PEX2: variants seen among roughly 807,000 people sequenced by gnomAD.
PEX2 encodes the protein peroxisome biogenesis factor 2.
A neutral mutation model predicts 25.2 loss-of-function variants in PEX2; 19 were observed. The observed-to-expected ratio is 0.75, with a 90% CI of 0.53 to 1.10. The LOEUF (loss-of-function observed/expected upper bound fraction) is 1.10, where lower values mean the gene tolerates loss of function less well. PEX2 is among the 50% of genes least tolerant of loss of function. PEX2 has a pLI of 0.00. For synonymous variants in PEX2, 141 were observed against 127.7 expected (o/e 1.10, Z -0.70); for missense variants, 347 against 350.6 (o/e 0.99, Z 0.08).
rs1200344504 is a variant in PEX2, at chr8:76,983,335, T to G, written c.844A>C (p.Lys282Gln). 1 of 1,614,040 alleles carries G rather than the reference T, an allele frequency of 6.2e-7. No individual in the cohort carries two copies. The change falls in exon 4 of 4, where the codon AAG becomes CAG. Residue 282 changes from lysine to glutamine, a missense_variant. Lys to Gln is a moderately conservative substitution (Grantham distance 53, BLOSUM62 1). Transcript: ENST00000357039. ...FLFDVYFTCP[K>Q]CGTEVHSLQP... is the part of the protein sequence containing the mutation. ...AGACTGTGTACTTCTGTGCCACACT[T>G]AGGACAAGTAAAGTACACGTCAAAT... is the stretch of plus-strand genomic sequence containing the variant.
At chr8:76,990,994 T>G (rs1807154355) in intron 1 of PEX2, among the ~76,000 whole-genome samples, 1 of 152,148 alleles carries the variant, frequency 6.6e-6, no homozygotes, top group South Asian at 2.1e-4. Flanking sequence ...TATAACGAGG[T>G]GTGAACTAGG....
upstream of PEX2, chr8:77,000,973 G>A (rs1040058524): frequency 3.3e-5 from 5 of 152,190 alleles, no homozygotes; most frequent in African/African-American, 4.8e-5. Flanking sequence ...TAGTGCTTAA[G>A]TTTGAATGAT....
At position 76,986,253 on chromosome 8, in the gene PEX2, C is replaced by A. The variant is rs1441134318; in HGVS notation, c.-84G>T. On this transcript the variant is annotated 5_prime_UTR_variant, in exon 3 of 4. Coordinates refer to ENST00000357039, the MANE Select transcript of PEX2 (RefSeq NM_000318.3). ...ATAGCTATGACAGTGGGAATTTTTG[C>A]TCCAAGTTCTTCTGTGAAATCCTTG... 1 of 152,156 alleles carries A rather than the reference C, an allele frequency of 6.6e-6. No homozygotes were observed. Among genetic ancestry groups the A allele is most frequent in the Non-Finnish European group, 1.5e-5 (1 of 68,028 alleles). 9.4% of individuals were successfully genotyped at this position (152,156 alleles called of 1,614,324 possible). A position where few individuals can be genotyped will look rare whatever the true frequency, so the allele number is the denominator to read the frequency against.
At chr8:76,989,418 T>C (rs1231272954) in intron 1 of PEX2, among the ~76,000 whole-genome samples, 1 of 152,208 alleles carries the variant, frequency 6.6e-6, no homozygotes, top group Non-Finnish European at 1.5e-5. Context: ...TCACGAATCA[T>C]GTTCTTAATG....
chr8:76,988,032 A>G (rs553397556), intron 2 of PEX2: 111 of 152,370 alleles, frequency 7.3e-4, no homozygotes, highest in African/African-American at 2.3e-3. Context: ...CTTGATCTAC[A>G]TAAGTGCTAA....
intron 1 of PEX2, among the ~76,000 whole-genome samples, chr8:76,995,695 A>C (rs1308169732): frequency 6.6e-6 from 1 of 152,220 alleles, no homozygotes; most frequent in Non-Finnish European, 1.5e-5. Flanking sequence ...GTATATTTTT[A>C]AGATAACAGC....
intron 1 of PEX2, among the ~76,000 whole-genome samples, chr8:76,999,539 C>G (rs899973730): frequency 2.0e-5 from 3 of 152,192 alleles, no homozygotes; most frequent in Non-Finnish European, 4.4e-5. Flanking sequence ...CGTGCGCTTT[C>G]AACAGTGTTA....
chr8:76,983,752 T>C lies in PEX2; in HGVS notation c.427A>G (p.Ile143Val). ...GKVKQCVNFV[I>V]GLLKLGGLIN... ...AGCCCACCTAATTTCAAAAGTCCAA[T>C]CACAAAATTCACACACTGCTTGACT... The change falls in exon 4 of 4, where the codon ATT becomes GTT. Residue 143 changes from isoleucine to valine, a missense_variant. By Grantham distance (29) the Ile-to-Val change is conservative. Transcript: ENST00000357039. 2 of 1,613,976 alleles carry C rather than the reference T, an allele frequency of 1.2e-6. No homozygotes were observed. The highest frequency in any genetic ancestry group is 1.7e-6 in the Non-Finnish European group (2 of 1,180,014).
chr8:76,983,492 A>C lies in PEX2; in HGVS notation c.687T>G (p.Gly229=), dbSNP rs1806900299. The stretch of plus-strand genomic sequence containing the variant: ...CTAATGTATTGTCACTATTAGGTGC[A>C]CCAGTAAGAGGAATACACCATGAAG... ...KLSSWCIPLT[G]APNSDNTLAT... The change falls in exon 4 of 4, where the codon GGT becomes GGG. Residue 229 remains glycine, a synonymous_variant. Coordinates refer to ENST00000357039, the MANE Select transcript of PEX2 (RefSeq NM_000318.3). 6.2e-7 allele frequency: 1 copy of C among 1,614,036 alleles called. No individual in the cohort carries two copies. The highest frequency in any genetic ancestry group is 8.5e-7 in the Non-Finnish European group (1 of 1,180,016).
At chr8:76,999,883 GAAAA>G (rs201987146) in intron 1 of PEX2, 103 bp downstream of exon 1, 3 of 456,068 alleles carry the variant, frequency 6.6e-6, no homozygotes. Context: ...AATAAACAGG[GAAAA>G]AAAAGCAAAC....
upstream of PEX2, chr8:77,000,245 C>A (rs1189136492): frequency 9.9e-6 from 3 of 303,736 alleles, no homozygotes; most frequent in African/African-American, 2.3e-5. Context: ...AGCCGAAGGG[C>A]CGAAAAGCCG....
chr8:76,999,839 C>CT, intron 1 of PEX2, 151 bp downstream of exon 1: 1 of 456,544 alleles, frequency 2.2e-6, no homozygotes. Flanking sequence ...AATTCAGCAG[C>CT]TTTGATTTGC....
intron 1 of PEX2, among the ~76,000 whole-genome samples, chr8:76,997,400 C>T (rs1326558317): frequency 6.6e-6 from 1 of 152,178 alleles, no homozygotes; most frequent in Non-Finnish European, 1.5e-5. Flanking sequence ...GAAACCCTGT[C>T]TCTACTAAAA....
upstream of PEX2, chr8:77,000,351 G>T: frequency 5.4e-6 from 1 of 185,702 alleles, no homozygotes. Flanking sequence ...CCGGGTCAGG[G>T]GCCGCAAGTG....
rs1326279218 is a variant in PEX2, at chr8:76,982,490, A to C, written c.*771T>G. The C allele has an allele frequency of 6.6e-6, 1 of 152,194 alleles. No individual in the cohort carries two copies. Among genetic ancestry groups the C allele is most frequent in the Non-Finnish European group, 1.5e-5 (1 of 68,044 alleles). The allele number at this position is 152,194 out of a possible 1,614,324, so 9.4% of individuals were successfully genotyped here. A position where few individuals can be genotyped will look rare whatever the true frequency, so the allele number is the denominator to read the frequency against. On this transcript the variant is annotated 3_prime_UTR_variant, in exon 4 of 4. Coordinates refer to ENST00000357039, the MANE Select transcript of PEX2 (RefSeq NM_000318.3). ...GACAGCTGAGGACTGAACTTCTTAA[A>C]AATTGGCTTCAGAGAAAAGCATAAC... is the stretch of plus-strand genomic sequence containing the variant.
Position 76,982,233 on chromosome 8 carries a change from G to C in PEX2, c.*1028C>G, listed in dbSNP as rs1039282828. ...GCAGAGAAAAAGAGTGAAGGATACA[G>C]AATTATCTTGATTATGCACTGCTGT... On this transcript the variant is annotated 3_prime_UTR_variant, in exon 4 of 4. Coordinates refer to ENST00000357039, the MANE Select transcript of PEX2 (RefSeq NM_000318.3). 3.9e-5 allele frequency: 6 copies of C among 152,208 alleles called. No homozygotes were observed. Among genetic ancestry groups the C allele is most frequent in the Non-Finnish European group, 5.9e-5 (4 of 68,028 alleles). The allele number at this position is 152,208 out of a possible 1,614,324, so 9.4% of individuals were successfully genotyped here.
At chr8:76,992,940 G>T (rs894934239) in intron 1 of PEX2, among the ~76,000 whole-genome samples, 3 of 152,184 alleles carry the variant, frequency 2.0e-5, no homozygotes, top group Admixed American at 1.3e-4. Context: ...GAGGAAAATG[G>T]TATGTAAGGC....
At chr8:76,999,792 C>G in intron 1 of PEX2, 198 bp downstream of exon 1, 1 of 455,854 alleles carries the variant, frequency 2.2e-6, no homozygotes, top group South Asian at 1.5e-5. Flanking sequence ...CTAAAAACAT[C>G]TTTAGGAGTT....
intron 3 of PEX2, 42 bp from the exon 4 acceptor site, chr8:76,984,237 A>G: frequency 2.7e-6 from 4 of 1,495,382 alleles, no homozygotes. Context: ...AAAGAGTTGC[A>G]ATCTTGTACA....
Sources: allele counts gnomAD v4.1 joint callset (sites outside exome capture counted in the v4.1 genomes callset), GRCh38; gene constraint gnomAD v4.1.1; transcripts MANE v1.5; gene names NCBI Gene and HGNC (gene_info 2026-07-23, HGNC 2026-07-21).